The following CCDC91 variants were observed in gnomAD, a reference collection of about 807,000 sequenced individuals.
The protein encoded by CCDC91 is coiled-coil domain containing 91, also known as coiled-coil domain-containing protein 91.
In CCDC91, 48 loss-of-function variants were observed where a neutral mutation model predicts 63.2. The observed-to-expected ratio is 0.76, with a 90% CI of 0.60 to 0.97. The LOEUF (loss-of-function observed/expected upper bound fraction) is 0.97, where lower values mean the gene tolerates loss of function less well. Ranked by LOEUF, CCDC91 falls within the 50% of genes least tolerant of loss-of-function variation. The pLI is 0.00. For synonymous variants in CCDC91, 167 were observed against 165.8 expected (o/e 1.01, Z -0.06); for missense variants, 500 against 494.6 (o/e 1.01, Z -0.10).
chr12:28,502,953 A>C (rs1309518166), intron 12 of CCDC91, among the ~76,000 whole-genome samples: 1 of 150,666 alleles, frequency 6.6e-6, no homozygotes, highest in South Asian at 2.1e-4. Context: ...TAAAGACTTA[A>C]ACGTTAGACC....
At chr12:28,383,159 T>C in intron 7 of CCDC91, among the ~76,000 whole-genome samples, 1 of 152,138 alleles carries the variant, frequency 6.6e-6, no homozygotes, top group Non-Finnish European at 1.5e-5. Context: ...AATGATTCCC[T>C]GTGTCCTGAA....
chr12:28,424,412 A>G (rs1466923862), intron 8 of CCDC91, among the ~76,000 whole-genome samples: 3 of 152,136 alleles, frequency 2.0e-5, no homozygotes, highest in Non-Finnish European at 4.4e-5. Context: ...GTGACAGGCT[A>G]CAGTCCTACC....
intron 12 of CCDC91, among the ~76,000 whole-genome samples, chr12:28,522,372 A>C (rs1180357249): frequency 6.6e-6 from 1 of 152,168 alleles, no homozygotes; most frequent in Non-Finnish European, 1.5e-5. Flanking sequence ...AGATGTTTAT[A>C]GTATTCTCTG....
chr12:28,261,536 G>A (rs1946824172), intron 3 of CCDC91, among the ~76,000 whole-genome samples: 1 of 151,852 alleles, frequency 6.6e-6, no homozygotes, highest in Non-Finnish European at 1.5e-5. Context: ...TGAGATTGGA[G>A]GCTGAGAAAA....
intron 6 of CCDC91, among the ~76,000 whole-genome samples, chr12:28,322,923 C>T (rs1345623629): frequency 6.6e-6 from 1 of 151,044 alleles, no homozygotes; most frequent in African/African-American, 2.4e-5. Context: ...TTTTTATTTC[C>T]TTATTAGTAT....
At chr12:28,237,261 CACACAT>C (rs1377453259) in intron 1 of CCDC91, among the ~76,000 whole-genome samples, 2 of 151,682 alleles carry the variant, frequency 1.3e-5, no homozygotes, top group South Asian at 2.1e-4. Context: ...CACACACACA[CACACAT>C]TTTTTAAAAA....
intron 12 of CCDC91, among the ~76,000 whole-genome samples, chr12:28,493,443 G>C (rs1237942889): frequency 6.6e-6 from 1 of 151,572 alleles, no homozygotes; most frequent in Admixed American, 6.6e-5. Context: ...AGATAAATTG[G>C]GAAGAAAAGT....
At chr12:28,377,252 G>T (rs904242676) in intron 7 of CCDC91, among the ~76,000 whole-genome samples, 5 of 151,298 alleles carry the variant, frequency 3.3e-5, no homozygotes, top group Admixed American at 1.3e-4. Context: ...TGTTTTCGTG[G>T]TTCTGGCTTG....
At chr12:28,457,835 G>A (rs1277841338) in intron 11 of CCDC91, among the ~76,000 whole-genome samples, 1 of 151,954 alleles carries the variant, frequency 6.6e-6, no homozygotes, top group East Asian at 1.9e-4. Context: ...AAAAGTCTTT[G>A]TTAAGTAAAG....
At chr12:28,528,301 G>T (rs1437956078) in intron 12 of CCDC91, among the ~76,000 whole-genome samples, 1 of 152,154 alleles carries the variant, frequency 6.6e-6, no homozygotes, top group African/African-American at 2.4e-5. Context: ...ACAGGGCTTT[G>T]CATGTTGCTT....
chr12:28,400,326 C>A (rs998022945), intron 8 of CCDC91, among the ~76,000 whole-genome samples: 2 of 152,006 alleles, frequency 1.3e-5, no homozygotes, highest in African/African-American at 4.8e-5. Context: ...GGCACCATGT[C>A]CTGAGGTCTC....
chr12:28,548,204 TA>T, intron 12 of CCDC91, among the ~76,000 whole-genome samples: 1 of 152,252 alleles, frequency 6.6e-6, no homozygotes, highest in Admixed American at 6.5e-5. Flanking sequence ...AACATCCTAA[TA>T]AAACATCTCT....
At chr12:28,454,684 A>C (rs1949978793) in intron 11 of CCDC91, among the ~76,000 whole-genome samples, 1 of 152,124 alleles carries the variant, frequency 6.6e-6, no homozygotes, top group Admixed American at 6.6e-5. Context: ...GTAAGACAGA[A>C]GCGAGTAACC....
intron 11 of CCDC91, among the ~76,000 whole-genome samples, chr12:28,465,073 A>C (rs1427249296): frequency 6.6e-6 from 1 of 152,210 alleles, no homozygotes; most frequent in African/African-American, 2.4e-5. Context: ...GTAGGTCTGC[A>C]GTACTTCACA....
Position 28,368,555 on chromosome 12 carries a change from T to A in CCDC91, c.654+6040T>A, listed in dbSNP as rs184061781. On this transcript the variant is annotated intron_variant, in intron 7 of 12. Coordinates refer to ENST00000536442, the MANE Select transcript of CCDC91 (RefSeq NM_018318.5). ...CTTTATTTAATGTGGGGTGGTGAAA[T>A]CTCTAAATATTATTGTTGAATTGTT... Among the ~76,000 whole-genome samples the A allele has an allele frequency of 2.1e-3, 319 of 152,278 alleles. 7 individuals are homozygous for A. Among genetic ancestry groups the A allele is most frequent in the Non-Finnish European group, 2.8e-4 (19 of 68,020 alleles).
chr12:28,443,014 AT>A (rs1445582228), intron 8 of CCDC91, among the ~76,000 whole-genome samples: 1 of 151,950 alleles, frequency 6.6e-6, no homozygotes, highest in Non-Finnish European at 1.5e-5. Flanking sequence ...CTGTATATGG[AT>A]TGTATGTTAT....
Position 28,454,039 on chromosome 12 carries a change from A to G in CCDC91, c.1101+1385A>G, listed in dbSNP as rs760397297. Among the ~76,000 whole-genome samples the G allele has an allele frequency of 2.5e-4, 38 of 152,292 alleles. 1 individual carries two copies. The highest frequency in any genetic ancestry group is 5.0e-4 in the Non-Finnish European group (34 of 68,018). ...CACTACTTTGAAATTTGTCTTCTAT[A>G]GGTTCAGAATATGGTGAAGACAATC... On this transcript the variant is annotated intron_variant, in intron 11 of 12. Transcript: ENST00000536442.
At chr12:28,523,164 G>C (rs894297342) in intron 12 of CCDC91, among the ~76,000 whole-genome samples, 1 of 152,156 alleles carries the variant, frequency 6.6e-6, no homozygotes, top group Non-Finnish European at 1.5e-5. Flanking sequence ...GTCTAATGTT[G>C]ACAGTGGGAT....
chr12:28,460,363 G>A (rs1241645308), intron 11 of CCDC91, among the ~76,000 whole-genome samples: 2 of 151,956 alleles, frequency 1.3e-5, no homozygotes, highest in Non-Finnish European at 2.9e-5. Flanking sequence ...TGAATTTTCT[G>A]TTACTTGTGA....
Sources: gnomAD v4.1 joint callset for allele counts (sites outside exome capture counted in the v4.1 genomes callset) on GRCh38, gnomAD v4.1.1 for gene constraint, MANE v1.5 for transcripts, NCBI Gene and HGNC (gene_info 2026-07-23, HGNC 2026-07-21) for gene names.